MET: variants seen among roughly 807,000 people sequenced by gnomAD.
MET encodes hepatocyte growth factor receptor.
Under a neutral mutation model 133.1 loss-of-function variants are expected in MET, and 48 were observed. The ratio of observed to expected loss-of-function variants is 0.36; its 90% confidence interval spans 0.29 to 0.46. The LOEUF (loss-of-function observed/expected upper bound fraction) is 0.46. MET is among the 20% of genes least tolerant of loss of function. The pLI is 1.00. For missense variants in MET, 1,442 were observed against 1,695.9 expected (o/e 0.85, Z 2.63); for synonymous variants, 628 against 616.5 (o/e 1.02, Z -0.28).
At chr7:116,696,112 G>C (rs1015862695) in intron 1 of MET, among the ~76,000 whole-genome samples, 1 of 151,934 alleles carries the variant, frequency 6.6e-6, no homozygotes, top group African/African-American at 2.4e-5. Context: ...CAAGTGATCT[G>C]CCCACCTCAG....
chr7:116,792,110 T>C (rs1029739918), intron 19 of MET, among the ~76,000 whole-genome samples: 2 of 152,182 alleles, frequency 1.3e-5, no homozygotes, highest in Non-Finnish European at 2.9e-5. Context: ...TCAATCCTGG[T>C]GTTGATGTTG....
rs369696160 is a variant in MET at position 116,727,479 on chromosome 7, CCCTT to C, written c.1201-4172_1201-4169del. 5.6e-3 allele frequency among the ~76,000 whole-genome samples: 857 copies of C among 152,224 alleles called. 7 individuals are homozygous for C. Among genetic ancestry groups the C allele is most frequent in the African/African-American group, 0.019 (800 of 41,540 alleles). On this transcript the variant is annotated intron_variant, in intron 2 of 20. Coordinates refer to ENST00000397752, the MANE Select transcript of MET (RefSeq NM_000245.4). ...CAGGAAAAAGTTTGATTTCCTCCCT[CCCTT>C]CCTTCCTTCCTTCCTTTTTCCTCCC...
chr7:116,735,490 C>T (rs74463536), intron 3 of MET, among the ~76,000 whole-genome samples: 436 of 152,250 alleles, frequency 2.9e-3, no homozygotes, highest in African/African-American at 9.5e-3. Context: ...CTTCAGTTCC[C>T]GTGCCCCCAT....
intron 2 of MET, among the ~76,000 whole-genome samples, chr7:116,722,713 A>T (rs1218137304): frequency 5.5e-4 from 82 of 149,110 alleles, no homozygotes; most frequent in East Asian, 4.0e-4. Flanking sequence ...CTTGTCTGTA[A>T]AGTATTTTAT....
chr7:116,697,122 T>G (rs1796991790), intron 1 of MET, among the ~76,000 whole-genome samples: 1 of 152,228 alleles, frequency 6.6e-6, no homozygotes, highest in Non-Finnish European at 1.5e-5. Context: ...TCCCATATAT[T>G]CAGCCTAACT....
At chr7:116,769,877 C>G (rs1024814400) in intron 12 of MET, 86 bp downstream of exon 12, 2 of 1,579,424 alleles carry the variant, frequency 1.3e-6, no homozygotes, top group African/African-American at 2.7e-5. Context: ...ATCATTAAAG[C>G]TCATTTATGT....
Position 116,729,179 on chromosome 7 carries a change from A to G in MET, c.1201-2489A>G, listed in dbSNP as rs1584911329. On this transcript the variant is annotated intron_variant, in intron 2 of 20. Coordinates refer to ENST00000397752, the MANE Select transcript of MET (RefSeq NM_000245.4). ...TATCTGCTACTCCTCAGAGTAATCC[A>G]TAGTACTTTAGTGAAGAAATACTTC... 6.6e-5 allele frequency among the ~76,000 whole-genome samples: 10 copies of G among 152,354 alleles called. No individual in the cohort carries two copies. In the South Asian group the frequency reaches 2.1e-3, roughly 32 times the overall value.
At chr7:116,718,942 G>A (rs1366023349) in intron 2 of MET, among the ~76,000 whole-genome samples, 20 of 147,084 alleles carry the variant, frequency 1.4e-4, no homozygotes, top group Non-Finnish European at 2.7e-4. Flanking sequence ...GAATAATGTC[G>A]CAATAAACAT....
At chr7:116,683,686 A>C (rs936052248) in intron 1 of MET, among the ~76,000 whole-genome samples, 1 of 152,112 alleles carries the variant, frequency 6.6e-6, no homozygotes, top group Non-Finnish European at 1.5e-5. Context: ...TCCTCATTCT[A>C]ATCACCAGTG....
chr7:116,725,038 T>C (rs568930922), intron 2 of MET, among the ~76,000 whole-genome samples: 33 of 152,356 alleles, frequency 2.2e-4, no homozygotes, highest in Non-Finnish European at 4.4e-4. Context: ...ATGCTCATTC[T>C]TCTTTTAGAC....
At chr7:116,786,107 T>C (rs1359777694) in intron 19 of MET, among the ~76,000 whole-genome samples, 1 of 152,252 alleles carries the variant, frequency 6.6e-6, no homozygotes, top group Middle Eastern at 3.2e-3. Context: ...GATGTCAGCA[T>C]GGTTGGGCTC....
At chr7:116,733,988 A>T (rs940313868) in intron 3 of MET, among the ~76,000 whole-genome samples, 1 of 152,248 alleles carries the variant, frequency 6.6e-6, no homozygotes, top group African/African-American at 2.4e-5. Flanking sequence ...TTGAAGGATC[A>T]AACAATCAAC....
chr7:116,672,973 G>T lies in MET; in HGVS notation c.-15+396G>T, dbSNP rs1255096350. 1.3e-5 allele frequency among the ~76,000 whole-genome samples: 2 copies of T among 152,082 alleles called. 1 individual carries two copies. Among genetic ancestry groups the T allele is most frequent in the African/African-American group, 4.8e-5 (2 of 41,404 alleles). ...GAGCTGTTTCCTTGTTCCCAGCCTTGCTTTATCTGTGTTATGTTGGGGTCC... is the reference window on the plus strand; with the variant it reads ...GAGCTGTTTCCTTGTTCCCAGCCTTTCTTTATCTGTGTTATGTTGGGGTCC... On this transcript the variant is annotated intron_variant, in intron 1 of 20. Transcript: ENST00000397752.
intron 3 of MET, among the ~76,000 whole-genome samples, chr7:116,734,532 A>G (rs1237633030): frequency 6.6e-6 from 1 of 152,244 alleles, no homozygotes; most frequent in Non-Finnish European, 1.5e-5. Flanking sequence ...ACATGTTCCT[A>G]ACATTTAATG....
chr7:116,750,118 A>T (rs1455899454), intron 5 of MET, among the ~76,000 whole-genome samples: 1 of 152,224 alleles, frequency 6.6e-6, no homozygotes, highest in African/African-American at 2.4e-5. Context: ...GAGCCCGCAT[A>T]GCCAAGACAA....
chr7:116,731,279 A>C (rs1562903156), intron 2 of MET, among the ~76,000 whole-genome samples: 1 of 152,212 alleles, frequency 6.6e-6, no homozygotes, highest in Non-Finnish European at 1.5e-5. Flanking sequence ...ATAATGTCAG[A>C]ACATGCCTCT....
At chr7:116,742,546 G>A (rs577093432) in intron 5 of MET, among the ~76,000 whole-genome samples, 12 of 152,194 alleles carry the variant, frequency 7.9e-5, no homozygotes, top group African/African-American at 2.4e-4. Flanking sequence ...TAACCAAGCT[G>A]GTATTTTAAG....
Position 116,796,327 on chromosome 7 carries a change from G to T in MET, c.*203G>T. ...CAGAGGCTTGGTCCCACAGGCCACGGACCAATGGCCTGCAGCCGTGACAAC... is the reference window on the plus strand; with the variant it reads ...CAGAGGCTTGGTCCCACAGGCCACGTACCAATGGCCTGCAGCCGTGACAAC... On this transcript the variant is annotated 3_prime_UTR_variant, in exon 21 of 21. Transcript: ENST00000397752. 1.6e-6 allele frequency: 1 copy of T among 607,920 alleles called. No individual in the cohort carries two copies. Among genetic ancestry groups the T allele is most frequent in the Non-Finnish European group, 2.9e-6 (1 of 342,618 alleles). 37.7% of individuals were successfully genotyped at this position (607,920 alleles called of 1,614,324 possible).
intron 5 of MET, among the ~76,000 whole-genome samples, chr7:116,743,644 G>A (rs1174007468): frequency 1.3e-5 from 2 of 152,206 alleles, no homozygotes; most frequent in Non-Finnish European, 2.9e-5. Flanking sequence ...TGCTGGCTCT[G>A]AAGAGAGCAG....
Sources: gnomAD v4.1 joint callset for allele counts (sites outside exome capture counted in the v4.1 genomes callset) on GRCh38, gnomAD v4.1.1 for gene constraint, MANE v1.5 for transcripts, NCBI Gene and HGNC (gene_info 2026-07-23, HGNC 2026-07-21) for gene names.